ACYP2: variants seen among roughly 807,000 people sequenced by gnomAD.
ACYP2 encodes acylphosphatase-2.
Under a neutral mutation model 11.2 loss-of-function variants are expected in ACYP2, and 12 were observed. The ratio of observed to expected loss-of-function variants is 1.08; its 90% CI spans 0.69 to 1.74. ACYP2 has a LOEUF of 1.74. ACYP2 is among the 40% of genes most tolerant of loss of function. The pLI, the probability that ACYP2 is intolerant of heterozygous loss-of-function variation, is 0.00. For missense variants in ACYP2, 134 were observed against 101.9 expected, an observed-to-expected ratio of 1.31 and a Z score of -1.35; for synonymous variants, 43 against 32.2, an observed-to-expected ratio of 1.33 and a Z score of -1.13.
At chr2:54,033,495 G>C (rs1674704483) in intron 2 of ACYP2, among the ~76,000 whole-genome samples, 1 of 152,054 alleles carries the variant, frequency 6.6e-6, no homozygotes, top group Non-Finnish European at 1.5e-5. Flanking sequence ...TTACAGGTGT[G>C]AGCCACAATG....
chr2:54,273,158 T>TA (rs1487366001), intron 6 of ACYP2, among the ~76,000 whole-genome samples: 3 of 152,194 alleles, frequency 2.0e-5, no homozygotes, highest in Admixed American at 2.0e-4. Flanking sequence ...ATTTAATAAA[T>TA]AGAGTCTGTC....
At chr2:54,283,025 CAAATT>C (rs1688913821) in intron 6 of ACYP2, among the ~76,000 whole-genome samples, 1 of 152,118 alleles carries the variant, frequency 6.6e-6, no homozygotes, top group East Asian at 1.9e-4. Context: ...CTAACATTCA[CAAATT>C]AAAGATGATA....
intron 6 of ACYP2, among the ~76,000 whole-genome samples, 183 bp downstream of exon 3, chr2:54,138,931 A>G (rs1285965378): frequency 6.6e-6 from 1 of 151,620 alleles, no homozygotes; most frequent in Non-Finnish European, 1.5e-5. Context: ...CTGGGACTAC[A>G]GGTGTGAGCC....
chr2:54,275,392 T>G (rs1396139722), intron 6 of ACYP2, among the ~76,000 whole-genome samples: 1 of 152,202 alleles, frequency 6.6e-6, no homozygotes, highest in East Asian at 1.9e-4. Context: ...TACTGACTAT[T>G]TGAAATTGGC....
chr2:54,131,574 GC>G (rs1680900454), intron 4 of ACYP2, among the ~76,000 whole-genome samples: 2 of 152,088 alleles, frequency 1.3e-5, no homozygotes, highest in Admixed American at 6.6e-5. Flanking sequence ...TTTTTATCAT[GC>G]ATGGTTTTTT....
rs534672864 is a variant in ACYP2, at chr2:54,207,322, C to T, written c.404+68574C>T. Among the ~76,000 whole-genome samples, 3 of 152,044 alleles carry T rather than the reference C, an allele frequency of 2.0e-5. No homozygotes were observed. In the South Asian group the frequency reaches 6.2e-4, roughly 32 times the overall value. On this transcript the variant is annotated intron_variant, in intron 6 of 6. Transcript: ENST00000607452. ...AAGAGTTGATATTGTAGTCTTGATT[C>T]TGAAGCCTGGAAATGGTTAGAACTT...
intron 6 of ACYP2, among the ~76,000 whole-genome samples, chr2:54,224,472 T>A (rs1289764799): frequency 1.3e-5 from 2 of 152,182 alleles, no homozygotes; most frequent in African/African-American, 4.8e-5. Context: ...TGCGTGCTGA[T>A]TGGTTTGTGT....
intron 6 of ACYP2, among the ~76,000 whole-genome samples, chr2:54,175,626 A>G (rs1226546994): frequency 6.6e-6 from 1 of 151,926 alleles, no homozygotes; most frequent in African/African-American, 2.4e-5. Flanking sequence ...GTGATCTCCC[A>G]AAGTGCTGGG....
At chr2:54,105,066 T>C (rs1227480523) in intron 4 of ACYP2, among the ~76,000 whole-genome samples, 1 of 152,214 alleles carries the variant, frequency 6.6e-6, no homozygotes, top group Non-Finnish European at 1.5e-5. Flanking sequence ...TTTTGAATAC[T>C]ATTTTGTTGA....
At chr2:54,118,886 G>A (rs974037550) in intron 4 of ACYP2, among the ~76,000 whole-genome samples, 8 of 151,978 alleles carry the variant, frequency 5.3e-5, no homozygotes, top group Non-Finnish European at 1.0e-4. Flanking sequence ...TTTAGAATGT[G>A]CCAAGCTCTG....
At chr2:54,216,568 C>G (rs962083949) in intron 6 of ACYP2, among the ~76,000 whole-genome samples, 1 of 146,030 alleles carries the variant, frequency 6.8e-6, no homozygotes, top group Non-Finnish European at 1.5e-5. Context: ...GACAGAGTAT[C>G]GCTATGTCAC....
At chr2:54,041,287 G>T (rs1675210640) in intron 2 of ACYP2, among the ~76,000 whole-genome samples, 1 of 152,056 alleles carries the variant, frequency 6.6e-6, no homozygotes, top group African/African-American at 2.4e-5. Context: ...TTCCTCTACA[G>T]TCACAGGAAG....
intron 4 of ACYP2, among the ~76,000 whole-genome samples, chr2:54,074,871 T>C (rs1677245339): frequency 6.6e-6 from 1 of 152,078 alleles, no homozygotes; most frequent in African/African-American, 2.4e-5. Flanking sequence ...TCACTCACAT[T>C]ATGGAAGGCA....
chr2:54,096,197 G>A (rs1475512583), intron 4 of ACYP2, among the ~76,000 whole-genome samples: 3 of 145,904 alleles, frequency 2.1e-5, no homozygotes, highest in Non-Finnish European at 3.0e-5. Flanking sequence ...CTTCTCAGAC[G>A]GGGCGGCCGG....
At chr2:54,115,809 G>A in intron 4 of ACYP2, 53 bp downstream of exon 1, 1 of 1,513,726 alleles carries the variant, frequency 6.6e-7, no homozygotes, top group Non-Finnish European at 8.9e-7. Flanking sequence ...AGGAAGGGGA[G>A]AAAGCTGTGA....
chr2:54,195,247 C>T (rs1684412225), intron 6 of ACYP2, among the ~76,000 whole-genome samples: 1 of 152,144 alleles, frequency 6.6e-6, no homozygotes, highest in African/African-American at 2.4e-5. Flanking sequence ...AGTCACAAAC[C>T]AATTTACCTA....
intron 6 of ACYP2, among the ~76,000 whole-genome samples, chr2:54,178,065 C>T (rs565215478): frequency 2.4e-4 from 36 of 151,622 alleles, no homozygotes; most frequent in Non-Finnish European, 3.2e-4. Flanking sequence ...CCATCACATC[C>T]GGCTAATTTT....
At chr2:54,284,482 T>C (rs1688993203) in intron 6 of ACYP2, among the ~76,000 whole-genome samples, 1 of 152,224 alleles carries the variant, frequency 6.6e-6, no homozygotes, top group Non-Finnish European at 1.5e-5. Flanking sequence ...TTCATTCTCC[T>C]GTGTGTCTCC....
chr2:54,282,580 A>G (rs1245694153), intron 6 of ACYP2, among the ~76,000 whole-genome samples: 2 of 152,240 alleles, frequency 1.3e-5, no homozygotes, highest in Non-Finnish European at 2.9e-5. Flanking sequence ...CCTTATTAAT[A>G]GAACAAAAAC....
Sources: gnomAD v4.1 joint callset for allele counts (sites outside exome capture counted in the v4.1 genomes callset) on GRCh38, gnomAD v4.1.1 for gene constraint, MANE v1.5 for transcripts, NCBI Gene and HGNC (gene_info 2026-07-23, HGNC 2026-07-21) for gene names.